The following CDK8 variants were observed in gnomAD, a reference collection of about 807,000 sequenced individuals.
CDK8 encodes cyclin dependent kinase 8.
A neutral mutation model predicts 71.5 loss-of-function variants in CDK8; 29 were observed. The observed-to-expected ratio is 0.41, with a 90% CI of 0.30 to 0.55. The LOEUF (loss-of-function observed/expected upper bound fraction) is 0.55. Among genes scored for constraint, CDK8 ranks in the 20% least tolerant of loss-of-function variants. The pLI is 0.37. For missense variants in CDK8, 288 were observed against 572.6 expected (o/e 0.50, Z 5.07); for synonymous variants, 161 against 192.1 (o/e 0.84, Z 1.34).
At chr13:26,329,100 T>C (rs142181930) in intron 1 of CDK8, among the ~76,000 whole-genome samples, 287 of 152,324 alleles carry the variant, frequency 1.9e-3, no homozygotes, top group African/African-American at 6.5e-3. Flanking sequence ...TATGCTATCT[T>C]CAGTCTCAGT....
At chr13:26,276,674 G>T (rs566216050) in intron 1 of CDK8, among the ~76,000 whole-genome samples, 1 of 152,076 alleles carries the variant, frequency 6.6e-6, no homozygotes, top group South Asian at 2.1e-4. Context: ...AGTGGTAGAC[G>T]ATTATCCTAA....
At chr13:26,376,514 A>T (rs1874960324) in intron 4 of CDK8, among the ~76,000 whole-genome samples, 1 of 152,214 alleles carries the variant, frequency 6.6e-6, no homozygotes, top group African/African-American at 2.4e-5. Context: ...CACATTCTTT[A>T]TTAGAAGTAA....
intron 2 of CDK8, among the ~76,000 whole-genome samples, chr13:26,338,795 G>C (rs1873099936): frequency 6.6e-6 from 1 of 152,082 alleles, no homozygotes; most frequent in Non-Finnish European, 1.5e-5. Context: ...ATGGTCAGTG[G>C]TGTTAGAAGT....
At chr13:26,278,129 T>C (rs1358817021) in intron 1 of CDK8, among the ~76,000 whole-genome samples, 1 of 152,170 alleles carries the variant, frequency 6.6e-6, no homozygotes, top group Non-Finnish European at 1.5e-5. Context: ...GAAATTCAAG[T>C]AGTGGATTGA....
chr13:26,381,473 A>G (rs963028395), intron 4 of CDK8, among the ~76,000 whole-genome samples: 10 of 152,132 alleles, frequency 6.6e-5, no homozygotes, highest in African/African-American at 2.4e-4. Context: ...GTAGTGATAG[A>G]GGTTCTGAGA....
chr13:26,323,155 T>C (rs1874858489), intron 1 of CDK8, among the ~76,000 whole-genome samples: 2 of 152,182 alleles, frequency 1.3e-5, no homozygotes, highest in South Asian at 4.1e-4. Context: ...GGGCTACATC[T>C]ACATAGAGTG....
At chr13:26,305,191 C>T (rs1014040590) in intron 1 of CDK8, among the ~76,000 whole-genome samples, 5 of 152,070 alleles carry the variant, frequency 3.3e-5, no homozygotes, top group African/African-American at 1.2e-4. Flanking sequence ...CTGAAAATGT[C>T]TTTATTTCAC....
chr13:26,270,806 A>G (rs774796285), intron 1 of CDK8, among the ~76,000 whole-genome samples: 1 of 152,158 alleles, frequency 6.6e-6, no homozygotes, highest in Non-Finnish European at 1.5e-5. Flanking sequence ...GTATACAACT[A>G]TCTGAGTCTC....
chr13:26,396,395 T>TAC (rs1875994159), intron 8 of CDK8, 41 bp downstream of exon 8: 3 of 903,100 alleles, frequency 3.3e-6, no homozygotes, highest in Non-Finnish European at 5.2e-6. Flanking sequence ...ATTTTTGCTT[T>TAC]ACCAGAATAC....
intron 1 of CDK8, among the ~76,000 whole-genome samples, chr13:26,321,130 A>G (rs935587857): frequency 2.0e-5 from 3 of 152,186 alleles, no homozygotes; most frequent in African/African-American, 7.2e-5. Flanking sequence ...CACAATAGCT[A>G]AAACAGGGAA....
chr13:26,312,017 G>A (rs1448142995), intron 1 of CDK8, among the ~76,000 whole-genome samples: 2 of 152,200 alleles, frequency 1.3e-5, no homozygotes, highest in East Asian at 3.9e-4. Flanking sequence ...CCTTGTGAAG[G>A]TGAGAGGTGA....
At chr13:26,330,761 A>G (rs1254159677) in intron 1 of CDK8, among the ~76,000 whole-genome samples, 1 of 152,140 alleles carries the variant, frequency 6.6e-6, no homozygotes, top group Admixed American at 6.5e-5. Flanking sequence ...TGCAAATGAC[A>G]TGATTTCCTT....
At chr13:26,320,244 T>A (rs975303965) in intron 1 of CDK8, among the ~76,000 whole-genome samples, 5 of 150,912 alleles carry the variant, frequency 3.3e-5, no homozygotes, top group African/African-American at 1.2e-4. Flanking sequence ...TACAAAAAAA[T>A]TTAAAAAAGA....
chr13:26,380,663 T>A (rs1351584123), intron 4 of CDK8, among the ~76,000 whole-genome samples: 1 of 152,094 alleles, frequency 6.6e-6, no homozygotes, highest in African/African-American at 2.4e-5. Context: ...ATTTTTTTTG[T>A]TGAGGTGGGG....
At chr13:26,342,156 G>A (rs34761433) in intron 2 of CDK8, among the ~76,000 whole-genome samples, 9,017 of 152,206 alleles carry the variant, frequency 0.059, 369 homozygotes, top group Middle Eastern at 0.14. Flanking sequence ...CTCGTGATCC[G>A]CCCACCTCAG....
At chr13:26,370,984 C>CTTCTA (rs1874637177) in intron 4 of CDK8, among the ~76,000 whole-genome samples, 1 of 151,728 alleles carries the variant, frequency 6.6e-6, no homozygotes. Context: ...TAGGCATAGA[C>CTTCTA]TAGAAGCTAG....
chr13:26,347,614 G>A (rs1873513929), intron 2 of CDK8, among the ~76,000 whole-genome samples: 1 of 152,074 alleles, frequency 6.6e-6, no homozygotes, highest in African/African-American at 2.4e-5. Context: ...ATTCAAAAAT[G>A]GGCAAAAGAC....
chr13:26,301,212 CTTTTTT>C (rs36054795), intron 1 of CDK8, among the ~76,000 whole-genome samples: 1 of 92,902 alleles, frequency 1.1e-5, no homozygotes. Flanking sequence ...TATCAGTAGA[CTTTTTT>C]TTTTTTTTTT....
chr13:26,373,891 T>G (rs1874807126), intron 4 of CDK8, among the ~76,000 whole-genome samples: 1 of 151,818 alleles, frequency 6.6e-6, no homozygotes, highest in Admixed American at 6.6e-5. Flanking sequence ...TTAAAAAATT[T>G]CATGAATGGA....
Sources: allele counts gnomAD v4.1 joint callset (sites outside exome capture counted in the v4.1 genomes callset), GRCh38; gene constraint gnomAD v4.1.1; transcripts MANE v1.5; gene names NCBI Gene and HGNC (gene_info 2026-07-23, HGNC 2026-07-21).